ARHGEF3: variants seen among roughly 807,000 people sequenced by gnomAD.
The protein encoded by ARHGEF3 is 59.8 kDA protein.
In ARHGEF3, 28 loss-of-function variants were observed where a neutral mutation model predicts 63.2. That is an observed-to-expected ratio of 0.44 (90% CI 0.33 to 0.61). The LOEUF (loss-of-function observed/expected upper bound fraction) is 0.61, where lower values mean the gene tolerates loss of function less well. ARHGEF3 is among the 20% of genes least tolerant of loss of function. ARHGEF3 has a pLI of 0.03. For missense variants in ARHGEF3, 533 were observed against 659.3 expected (o/e 0.81, Z 2.10); for synonymous variants, 266 against 254.2 (o/e 1.05, Z -0.44).
chr3:56,830,326 G>A (rs527285824), intron 4 of ARHGEF3, among the ~76,000 whole-genome samples: 1 of 152,128 alleles, frequency 6.6e-6, no homozygotes, highest in South Asian at 2.1e-4. Context: ...ACCTTGGCCC[G>A]TGTGCTAAGT....
At chr3:56,922,172 AC>A (rs2042161006) in intron 3 of ARHGEF3, among the ~76,000 whole-genome samples, 1 of 152,070 alleles carries the variant, frequency 6.6e-6, no homozygotes, top group Admixed American at 6.5e-5. Flanking sequence ...AGCAAGGGCC[AC>A]CTGAAGAATT....
chr3:57,073,780 T>C, intron 1 of ARHGEF3: 1 of 1,614,216 alleles, frequency 6.2e-7, no homozygotes, highest in Non-Finnish European at 8.5e-7. Flanking sequence ...TCTTCCAGAC[T>C]CGTTCCATGG....
intron 3 of ARHGEF3, among the ~76,000 whole-genome samples, chr3:56,911,715 G>A (rs2041857296): frequency 6.6e-6 from 1 of 152,014 alleles, no homozygotes; most frequent in Non-Finnish European, 1.5e-5. Flanking sequence ...CATCGAATAT[G>A]CTGCTTCCTT....
At chr3:56,882,293 C>T (rs2040792655) in exon 4 of ARHGEF3, 2 of 1,551,774 alleles carry the variant, frequency 1.3e-6, no homozygotes, top group African/African-American at 1.4e-5. Flanking sequence ...TATACTTACA[C>T]TTATGTCGAG....
At chr3:56,949,312 T>C (rs1368268600) in intron 3 of ARHGEF3, among the ~76,000 whole-genome samples, 2 of 151,892 alleles carry the variant, frequency 1.3e-5, no homozygotes, top group Non-Finnish European at 2.9e-5. Context: ...ATAAAGGCTA[T>C]TCAATTAGGA....
At chr3:56,799,518 T>C (rs1275302519) in intron 1 of ARHGEF3, among the ~76,000 whole-genome samples, 3 of 152,214 alleles carry the variant, frequency 2.0e-5, no homozygotes, top group African/African-American at 4.8e-5. Context: ...AAAAATACTT[T>C]CAGAGGAATT....
chr3:56,906,636 G>C (rs895345422), intron 3 of ARHGEF3, among the ~76,000 whole-genome samples: 7 of 152,158 alleles, frequency 4.6e-5, no homozygotes, highest in African/African-American at 1.7e-4. Flanking sequence ...AGGAGTTCGA[G>C]ACCAGCCTGG....
chr3:56,803,571 G>A (rs2037754632), upstream of ARHGEF3, among the ~76,000 whole-genome samples: 1 of 152,218 alleles, frequency 6.6e-6, no homozygotes, highest in South Asian at 2.1e-4. Context: ...GAAGGCCAAG[G>A]CAGCAGTGTG....
chr3:57,070,992 GAAAGAAAGA>G (rs1420898432), intron 1 of ARHGEF3, among the ~76,000 whole-genome samples: 2 of 120,602 alleles, frequency 1.7e-5, no homozygotes, highest in African/African-American at 3.0e-5. Flanking sequence ...AAAAAAGAAA[GAAAGAAAGA>G]AAAAAGAAAA....
chr3:56,785,796 C>T (rs574258861), intron 1 of ARHGEF3, among the ~76,000 whole-genome samples: 28 of 152,272 alleles, frequency 1.8e-4, no homozygotes, highest in African/African-American at 6.7e-4. Flanking sequence ...GTCTGTCATC[C>T]GACTGAAAAC....
intron 4 of ARHGEF3, among the ~76,000 whole-genome samples, chr3:56,871,756 T>C (rs1218362804): frequency 6.6e-6 from 1 of 152,150 alleles, no homozygotes; most frequent in Non-Finnish European, 1.5e-5. Context: ...GGATTCATAA[T>C]CTAGAATTCT....
intron 3 of ARHGEF3, among the ~76,000 whole-genome samples, chr3:56,943,897 G>A (rs956128279): frequency 1.6e-4 from 24 of 148,438 alleles, no homozygotes; most frequent in African/African-American, 6.0e-4. Flanking sequence ...CTGGGCGACA[G>A]AGAGAGACTC....
chr3:56,895,808 G>A (rs969013573), intron 3 of ARHGEF3, among the ~76,000 whole-genome samples: 6 of 152,204 alleles, frequency 3.9e-5, no homozygotes, highest in Non-Finnish European at 7.3e-5. Context: ...TTATTATGCA[G>A]TTATTTTCCT....
At chr3:56,783,834 T>C (rs1349277060) in intron 1 of ARHGEF3, among the ~76,000 whole-genome samples, 2 of 152,224 alleles carry the variant, frequency 1.3e-5, no homozygotes, top group South Asian at 2.1e-4. Flanking sequence ...AGCCCAAATC[T>C]GTTATTTTAT....
intron 3 of ARHGEF3, among the ~76,000 whole-genome samples, chr3:56,946,177 A>T (rs1285945298): frequency 6.6e-6 from 1 of 150,744 alleles, no homozygotes; most frequent in Admixed American, 6.6e-5. Flanking sequence ...AAAGATGGGG[A>T]AAAAACAGAG....
intron 4 of ARHGEF3, among the ~76,000 whole-genome samples, chr3:56,816,646 C>T (rs1208468721): frequency 6.6e-6 from 1 of 152,178 alleles, no homozygotes; most frequent in Non-Finnish European, 1.5e-5. Context: ...AATGAAGTAT[C>T]TCAAGTAATC....
At chr3:57,026,939 G>C (rs1391889074) in intron 2 of ARHGEF3, among the ~76,000 whole-genome samples, 1 of 152,204 alleles carries the variant, frequency 6.6e-6, no homozygotes. Flanking sequence ...GCCCGAAAGA[G>C]TGATTAGTAC....
chr3:56,958,700 A>T (rs1700151207), intron 3 of ARHGEF3: 2 of 1,047,876 alleles, frequency 1.9e-6, no homozygotes, highest in Non-Finnish European at 2.8e-6. Context: ...GGTAAAGCAC[A>T]GATGCGCTCC....
At chr3:56,873,104 T>A (rs906733204) in intron 4 of ARHGEF3, among the ~76,000 whole-genome samples, 1 of 152,016 alleles carries the variant, frequency 6.6e-6, no homozygotes, top group African/African-American at 2.4e-5. Flanking sequence ...GCTCAGGTGA[T>A]CCTCCCACCT....
Sources: allele counts gnomAD v4.1 joint callset (sites outside exome capture counted in the v4.1 genomes callset), GRCh38; gene constraint gnomAD v4.1.1; transcripts MANE v1.5; gene names NCBI Gene and HGNC (gene_info 2026-07-23, HGNC 2026-07-21).